SRD5A1: variants seen among roughly 807,000 people sequenced by gnomAD.
The protein encoded by SRD5A1 is 3-oxo-5-alpha-steroid 4-dehydrogenase 1.
SRD5A1 carries 22 observed loss-of-function variants against 28.2 expected under a neutral mutation model. The observed-to-expected ratio is 0.78, with a 90% CI of 0.56 to 1.12. SRD5A1 has a LOEUF of 1.12. SRD5A1 is among the 50% of genes most tolerant of loss of function. The pLI is 0.00. For synonymous variants in SRD5A1, 151 were observed against 135.0 expected (o/e 1.12, Z -0.82); for missense variants, 300 against 346.7 (o/e 0.87, Z 1.07).
At chr5:6,652,784 G>A (rs1300464281) in intron 2 of SRD5A1, among the ~76,000 whole-genome samples, 1 of 150,590 alleles carries the variant, frequency 6.6e-6, no homozygotes, top group African/African-American at 2.4e-5. Flanking sequence ...TGAGGTGGGA[G>A]GATCACCTGA....
At chr5:6,656,535 G>T (rs1738840924) in intron 3 of SRD5A1, among the ~76,000 whole-genome samples, 3 of 152,108 alleles carry the variant, frequency 2.0e-5, no homozygotes, top group Admixed American at 2.0e-4. Context: ...TAAAACATTG[G>T]AATATTTTGA....
In SRD5A1 at chr5:6,661,788, C is replaced by T. The variant is rs8192217; in HGVS notation, c.563-1028C>T. On this transcript the variant is annotated intron_variant, in intron 3 of 4. Transcript: ENST00000274192. ...CCTCACATGATCCACCTGCCTCAGC[C>T]TCCCAAAGTTCTGGGATTAGAGGCG... Among the ~76,000 whole-genome samples, 613 of 152,272 alleles carry T rather than the reference C, an allele frequency of 4.0e-3. 4 individuals carry two copies. Among genetic ancestry groups the T allele is most frequent in the African/African-American group, 0.014 (585 of 41,566 alleles).
intron 1 of SRD5A1, chr5:6,644,997 A>T (rs940078233): frequency 2.2e-6 from 1 of 455,862 alleles, no homozygotes; most frequent in South Asian, 1.5e-5. Flanking sequence ...ATGACACAAC[A>T]TCTGAATGCA....
At chr5:6,640,900 G>A (rs1386558007) in intron 1 of SRD5A1, among the ~76,000 whole-genome samples, 1 of 152,108 alleles carries the variant, frequency 6.6e-6, no homozygotes, top group Non-Finnish European at 1.5e-5. Flanking sequence ...TCTTAAAAAT[G>A]GTTTCCATCT....
At chr5:6,642,324 G>A (rs8192167) in intron 1 of SRD5A1, among the ~76,000 whole-genome samples, 15 of 152,148 alleles carry the variant, frequency 9.9e-5, no homozygotes, top group Non-Finnish European at 1.8e-4. Context: ...TCACTTGGAA[G>A]GCACTCATGG....
At chr5:6,651,003 A>G (rs1738655680) in intron 1 of SRD5A1, among the ~76,000 whole-genome samples, 1 of 151,912 alleles carries the variant, frequency 6.6e-6, no homozygotes, top group Non-Finnish European at 1.5e-5. Flanking sequence ...TGAGCAACTT[A>G]CTTTACCACT....
Position 6,633,732 on chromosome 5 carries a change from G to A in SRD5A1, c.156G>A (p.Ala52=), listed in dbSNP as rs1293130371. 3 of 1,594,446 alleles carry A rather than the reference G, an allele frequency of 1.9e-6. No individual in the cohort carries two copies. The highest frequency in any genetic ancestry group is 2.5e-6 in the Non-Finnish European group (3 of 1,178,010). ...CCAGCCACAGGCTCCGAGTGCCGGC[G>A]CGGGCCGCCTGGGTGGTGCAGGAGC... ...ALPSHRLRVP[A]RAAWVVQELP... Residue 52 remains alanine (A), a synonymous_variant, in exon 1 of 5, where the codon GCG becomes GCA. Coordinates refer to ENST00000274192, the MANE Select transcript of SRD5A1 (RefSeq NM_001047.4).
intron 1 of SRD5A1, among the ~76,000 whole-genome samples, chr5:6,636,160 A>G (rs1738178301): frequency 6.6e-6 from 1 of 152,128 alleles, no homozygotes; most frequent in Non-Finnish European, 1.5e-5. Context: ...AATAGAAAAG[A>G]TAAACATTTT....
intron 1 of SRD5A1, among the ~76,000 whole-genome samples, chr5:6,636,606 G>C (rs973408746): frequency 6.6e-6 from 1 of 152,198 alleles, no homozygotes; most frequent in Non-Finnish European, 1.5e-5. Flanking sequence ...AGGCCTGAAG[G>C]CAGCAGCAGA....
chr5:6,633,996 C>A, intron 1 of SRD5A1, 127 bp downstream of exon 1: 1 of 1,024,378 alleles, frequency 9.8e-7, no homozygotes, highest in Non-Finnish European at 1.4e-6. Context: ...CTGCCAGATC[C>A]CCCGGGGCGT....
chr5:6,638,766 A>G (rs911821831), intron 1 of SRD5A1, among the ~76,000 whole-genome samples: 3 of 152,262 alleles, frequency 2.0e-5, no homozygotes, highest in Non-Finnish European at 2.9e-5. Context: ...TATTTTAAGC[A>G]TGCTTTGTTG....
chr5:6,639,303 T>C lies in SRD5A1; in HGVS notation c.293+5434T>C, dbSNP rs143686069. 2.2e-3 allele frequency among the ~76,000 whole-genome samples: 328 copies of C among 152,368 alleles called. 1 individual carries two copies. The highest frequency in any genetic ancestry group is 5.2e-3 in the Admixed American group (80 of 15,310). On this transcript the variant is annotated intron_variant, in intron 1 of 4. Transcript: ENST00000274192. ...TTGCATTTTCATCCTCTGGAATGCA[T>C]ACTGTGCTATATTTTGAGTCTTTCC...
intron 2 of SRD5A1, chr5:6,653,587 T>C (rs1738749552): frequency 6.6e-6 from 1 of 152,220 alleles, no homozygotes; most frequent in South Asian, 2.1e-4. Context: ...ACGCAGTGAA[T>C]GGCAGAGCGG....
At chr5:6,658,251 G>C (rs1452276476) in intron 3 of SRD5A1, among the ~76,000 whole-genome samples, 1 of 152,134 alleles carries the variant, frequency 6.6e-6, no homozygotes. Flanking sequence ...CTTGAGTCTG[G>C]GAGGCAGAGG....
chr5:6,654,427 GT>G (rs748129203), intron 2 of SRD5A1, among the ~76,000 whole-genome samples: 5 of 137,716 alleles, frequency 3.6e-5, no homozygotes, highest in African/African-American at 8.4e-5. Flanking sequence ...AAGATTTTAA[GT>G]TTTTTTTTTG....
intron 4 of SRD5A1, among the ~76,000 whole-genome samples, chr5:6,665,335 C>G (rs1463890805): frequency 3.3e-5 from 5 of 152,200 alleles, no homozygotes; most frequent in Admixed American, 3.3e-4. Context: ...TATAAGCCAC[C>G]CAGTGTGTGG....
At chr5:6,652,549 G>A (rs138924723) in intron 2 of SRD5A1, among the ~76,000 whole-genome samples, 43 of 152,190 alleles carry the variant, frequency 2.8e-4, no homozygotes, top group African/African-American at 9.9e-4. Context: ...AAATAAAACA[G>A]CCATCAAAAA....
intron 1 of SRD5A1, among the ~76,000 whole-genome samples, chr5:6,638,525 T>C (rs1430327486): frequency 6.6e-6 from 1 of 152,228 alleles, no homozygotes; most frequent in Non-Finnish European, 1.5e-5. Flanking sequence ...TCATTAGAAG[T>C]CAATTGGCAG....
rs139240640 is a variant in SRD5A1, at chr5:6,638,143, G to A, written c.293+4274G>A. 7.9e-4 allele frequency among the ~76,000 whole-genome samples: 120 copies of A among 152,222 alleles called. No individual in the cohort carries two copies. In the East Asian group the frequency reaches 0.017, roughly 22 times the overall value. ...CACACGAGGTCAGGAGATCAAGACC[G>A]TCCTGACCAACATGCTGAAACCCTG... On this transcript the variant is annotated intron_variant, in intron 1 of 4. Coordinates refer to ENST00000274192, the MANE Select transcript of SRD5A1 (RefSeq NM_001047.4).
Sources: allele counts gnomAD v4.1 joint callset (sites outside exome capture counted in the v4.1 genomes callset), GRCh38; gene constraint gnomAD v4.1.1; transcripts MANE v1.5; gene names NCBI Gene and HGNC (gene_info 2026-07-23, HGNC 2026-07-21).